Variants in SPAG16 observed in about 807,000 individuals in gnomAD.
The protein encoded by SPAG16 is sperm-associated antigen 16 protein.
SPAG16 carries 86 observed loss-of-function variants against 80.4 expected under a neutral mutation model. The ratio of observed to expected loss-of-function variants is 1.07; its 90% CI spans 0.90 to 1.28. The LOEUF is 1.28. Ranked by LOEUF, SPAG16 falls within the 50% of genes most tolerant of loss-of-function variation. SPAG16 has a pLI of 0.00. For synonymous variants in SPAG16, 294 were observed against 265.9 expected (o/e 1.11, Z -1.03); for missense variants, 870 against 765.3 (o/e 1.14, Z -1.61).
At chr2:213,506,508 C>T (rs186389136) in intron 10 of SPAG16, among the ~76,000 whole-genome samples, 4 of 152,268 alleles carry the variant, frequency 2.6e-5, no homozygotes, top group African/African-American at 9.6e-5. Flanking sequence ...TCCTTCTACA[C>T]CTTTTTCATT....
At chr2:213,828,996 A>C (rs1204292298) in intron 10 of SPAG16, among the ~76,000 whole-genome samples, 2 of 152,140 alleles carry the variant, frequency 1.3e-5, no homozygotes, top group Admixed American at 6.6e-5. Flanking sequence ...CCAGCATAGT[A>C]CTGGTTCTCA....
At chr2:214,400,664 T>C (rs1201937495) in intron 15 of SPAG16, among the ~76,000 whole-genome samples, 1 of 151,986 alleles carries the variant, frequency 6.6e-6, no homozygotes, top group African/African-American at 2.4e-5. Context: ...TAAAACAGAC[T>C]CTGTGCAATA....
intron 15 of SPAG16, among the ~76,000 whole-genome samples, chr2:214,215,471 C>A (rs1411979438): frequency 6.6e-6 from 1 of 152,158 alleles, no homozygotes; most frequent in East Asian, 1.9e-4. Context: ...AGCTTGTAGA[C>A]CTTATGGTCA....
chr2:213,922,740 T>G (rs182825124), intron 11 of SPAG16, among the ~76,000 whole-genome samples: 1 of 152,304 alleles, frequency 6.6e-6, no homozygotes, highest in Non-Finnish European at 1.5e-5. Context: ...GGGGATTTTA[T>G]TATGTTATAA....
At chr2:213,590,845 C>T (rs2060662351) in intron 10 of SPAG16, among the ~76,000 whole-genome samples, 3 of 152,148 alleles carry the variant, frequency 2.0e-5, no homozygotes, top group South Asian at 2.1e-4. Flanking sequence ...AAGACACCTA[C>T]ACTCATATGT....
chr2:213,470,628 C>T (rs2073025996), intron 9 of SPAG16, among the ~76,000 whole-genome samples: 1 of 152,168 alleles, frequency 6.6e-6, no homozygotes, highest in African/African-American at 2.4e-5. Context: ...CCAGGTCAGC[C>T]TTGGTGAGTG....
chr2:214,304,345 G>A (rs1044307865), intron 15 of SPAG16, among the ~76,000 whole-genome samples: 5 of 152,162 alleles, frequency 3.3e-5, no homozygotes, highest in Admixed American at 1.3e-4. Flanking sequence ...ATGAGGGCAA[G>A]GAACACCTGG....
rs554676603 is a variant in SPAG16, at chr2:214,023,418, G to A, written c.1527+9341G>A. ...CCTAAGGCATTCATTAAAAAAAAAA[G>A]AAAAAAATACTTTATGTGTTTTCTA... On this transcript the variant is annotated intron_variant, in intron 13 of 15. Coordinates refer to ENST00000331683, the MANE Select transcript of SPAG16 (RefSeq NM_024532.5). 3.4e-5 allele frequency among the ~76,000 whole-genome samples: 5 copies of A among 148,204 alleles called. No individual in the cohort carries two copies. The East Asian group carries it at 7.9e-4, about 23-fold the overall frequency.
intron 12 of SPAG16, among the ~76,000 whole-genome samples, chr2:213,934,540 T>C (rs772325497): frequency 5.9e-5 from 9 of 152,328 alleles, no homozygotes; most frequent in Middle Eastern, 3.4e-3. Flanking sequence ...GGATGACAGA[T>C]ATTTGGTGAG....
intron 15 of SPAG16, among the ~76,000 whole-genome samples, chr2:214,347,083 T>G (rs1036621921): frequency 2.0e-5 from 3 of 152,164 alleles, no homozygotes; most frequent in African/African-American, 7.2e-5. Flanking sequence ...CCAGCAGCCT[T>G]GAAGATGCTA....
intron 15 of SPAG16, 51 bp downstream of exon 15, chr2:214,149,317 T>G: frequency 7.2e-7 from 1 of 1,396,976 alleles, no homozygotes; most frequent in Non-Finnish European, 9.4e-7. Context: ...ACATTAATAT[T>G]TGTTCTGAAA....
chr2:213,797,139 GCTAA>G (rs768395021), intron 10 of SPAG16, among the ~76,000 whole-genome samples: 9 of 151,800 alleles, frequency 5.9e-5, no homozygotes, highest in Non-Finnish European at 1.0e-4. Context: ...TATGTTTTAA[GCTAA>G]CTGTTAATAT....
chr2:214,267,189 T>G (rs1691638092), intron 15 of SPAG16, among the ~76,000 whole-genome samples: 1 of 151,500 alleles, frequency 6.6e-6, no homozygotes, highest in African/African-American at 2.4e-5. Flanking sequence ...TTAAAAAGAT[T>G]AAAAAATAGA....
At chr2:214,168,886 T>G (rs1034193919) in intron 15 of SPAG16, among the ~76,000 whole-genome samples, 1 of 152,122 alleles carries the variant, frequency 6.6e-6, no homozygotes, top group Non-Finnish European at 1.5e-5. Context: ...GGTGGGAAAC[T>G]GTGACAAGGT....
chr2:213,417,057 G>A (rs1407534998), intron 9 of SPAG16, among the ~76,000 whole-genome samples: 1 of 152,148 alleles, frequency 6.6e-6, no homozygotes, highest in Non-Finnish European at 1.5e-5. Context: ...TTGACTCGTG[G>A]GGTGTATGGG....
chr2:214,310,148 C>G (rs770879292), intron 15 of SPAG16, among the ~76,000 whole-genome samples: 1 of 148,290 alleles, frequency 6.7e-6, no homozygotes, highest in Non-Finnish European at 1.5e-5. Context: ...CTAAAGAAAC[C>G]GTCATTTTCT....
In SPAG16 at chr2:213,760,106, TTA is replaced by T. The variant is rs546236521; in HGVS notation, c.1071-102376_1071-102375del. On this transcript the variant is annotated intron_variant, in intron 10 of 15. Coordinates refer to ENST00000331683, the MANE Select transcript of SPAG16 (RefSeq NM_024532.5). ...TAGCTTCCTTCTTTTCAGAAATTAC[TTA>T]TAAATTGATTAAATGAGCTAATCAA... Among the ~76,000 whole-genome samples the T allele has an allele frequency of 2.3e-3, 343 of 152,236 alleles. 3 individuals are homozygous for T. The highest frequency in any genetic ancestry group is 7.9e-3 in the African/African-American group (330 of 41,562).
intron 5 of SPAG16, among the ~76,000 whole-genome samples, chr2:213,318,573 C>T (rs1451154980): frequency 6.6e-6 from 1 of 151,830 alleles, no homozygotes; most frequent in Non-Finnish European, 1.5e-5. Context: ...ACCAGAAACC[C>T]AGACTTCATC....
At chr2:213,468,896 C>T (rs1481606188) in intron 9 of SPAG16, among the ~76,000 whole-genome samples, 1 of 151,956 alleles carries the variant, frequency 6.6e-6, no homozygotes. Flanking sequence ...GAGCAGGAAG[C>T]ATTCAGCATA....
Sources: allele counts gnomAD v4.1 joint callset (sites outside exome capture counted in the v4.1 genomes callset), GRCh38; gene constraint gnomAD v4.1.1; transcripts MANE v1.5; gene names NCBI Gene and HGNC (gene_info 2026-07-23, HGNC 2026-07-21).